TM7SF3: variants seen among roughly 807,000 people sequenced by gnomAD.
TM7SF3 encodes the protein seven span transmembrane protein.
In TM7SF3, 60 loss-of-function variants were observed where a neutral mutation model predicts 65.5. That is an observed-to-expected ratio of 0.92 (90% confidence interval 0.74 to 1.14). The LOEUF is 1.14. TM7SF3 is among the 50% of genes most tolerant of loss of function. TM7SF3 has a pLI of 0.00. For missense variants in TM7SF3, 623 were observed against 684.8 expected (o/e 0.91, Z 1.01); for synonymous variants, 264 against 259.6 (o/e 1.02, Z -0.16).
chr12:27,012,336 G>A (rs1290766662), intron 1 of TM7SF3, among the ~76,000 whole-genome samples: 1 of 152,034 alleles, frequency 6.6e-6, no homozygotes, highest in Non-Finnish European at 1.5e-5. Context: ...CAGAGTGAAT[G>A]TTAGTGCCCT....
chr12:26,990,642 AAC>A lies in TM7SF3; in HGVS notation c.691-17_691-16del, dbSNP rs565238020. The A allele has an allele frequency of 6.2e-7, 1 of 1,609,600 alleles. No homozygotes were observed. Among genetic ancestry groups the A allele is most frequent in the South Asian group, 1.1e-5 (1 of 90,552 alleles). On this transcript the variant is annotated splice_polypyrimidine_tract_variant and intron_variant, in intron 5 of 11. Coordinates refer to ENST00000343028, the MANE Select transcript of TM7SF3 (RefSeq NM_016551.3). Reference sequence around the variant, plus strand: ...AGGGTAACCACCTGAAGCCAAAAATAACACATGATTAGTGTTTAGGGGATTTT... The same window carrying A: ...AGGGTAACCACCTGAAGCCAAAAATAACATGATTAGTGTTTAGGGGATTTT...
chr12:26,986,118 G>A (rs993216773), intron 6 of TM7SF3, among the ~76,000 whole-genome samples: 10 of 151,678 alleles, frequency 6.6e-5, no homozygotes, highest in South Asian at 2.1e-4. Context: ...GTGAGCCACC[G>A]CACCCGGCCT....
chr12:26,973,855 AAAG>A lies in TM7SF3; in HGVS notation c.*107_*109del. On this transcript the variant is annotated 3_prime_UTR_variant, in exon 12 of 12. Coordinates refer to ENST00000343028, the MANE Select transcript of TM7SF3 (RefSeq NM_016551.3). ...CAATAAGGGCACCATAATATTATGC[AAAG>A]AACAGATATATATGCCTGATCTCTT... 1.5e-6 allele frequency: 2 copies of A among 1,363,412 alleles called. No individual in the cohort carries two copies. The highest frequency in any genetic ancestry group is 4.6e-5 in the East Asian group (2 of 43,518). 84.5% of individuals were successfully genotyped at this position (1,363,412 alleles called of 1,614,324 possible). A position where few individuals can be genotyped will look rare whatever the true frequency, so the allele number is the denominator to read the frequency against.
At position 27,007,535 on chromosome 12, in the gene TM7SF3, A is replaced by T. The variant is rs191687995; in HGVS notation, c.92-4145T>A. Among the ~76,000 whole-genome samples, 200 of 144,604 alleles carry T rather than the reference A, an allele frequency of 1.4e-3. 1 individual carries two copies. The highest frequency in any genetic ancestry group is 6.9e-3 in the Middle Eastern group (2 of 290). The allele number at this position is 144,604 out of a possible 152,430, so 94.9% of individuals were successfully genotyped here. A position where few individuals can be genotyped will look rare whatever the true frequency, so the allele number is the denominator to read the frequency against. ...CCATTACAATCATCTGGAGGGGATT[A>T]AAAAAAAAACAGAACACTGCTGCCT... On this transcript the variant is annotated intron_variant, in intron 1 of 11. Transcript: ENST00000343028.
chr12:26,980,842 A>G (rs1005540043), intron 7 of TM7SF3, among the ~76,000 whole-genome samples, 196 bp from the exon 8 acceptor site: 3 of 152,214 alleles, frequency 2.0e-5, no homozygotes, highest in African/African-American at 7.2e-5. Context: ...AGTAATTATT[A>G]TTAAACAGAT....
rs546423425 is a variant in TM7SF3 at position 26,981,738 on chromosome 12, G to A, written c.955+1035C>T. On this transcript the variant is annotated intron_variant, in intron 7 of 11. Coordinates refer to ENST00000343028, the MANE Select transcript of TM7SF3 (RefSeq NM_016551.3). ...ATCAGGATTACATTTGAGCTACCTTGATGCTCAGTTATACAACTTGTTGAT... is the reference window on the plus strand; with the variant it reads ...ATCAGGATTACATTTGAGCTACCTTAATGCTCAGTTATACAACTTGTTGAT... 3.3e-5 allele frequency among the ~76,000 whole-genome samples: 5 copies of A among 152,282 alleles called. No homozygotes were observed. In the East Asian group the frequency reaches 9.6e-4, roughly 29 times the overall value.
At chr12:27,008,033 C>G (rs899429814) in intron 1 of TM7SF3, among the ~76,000 whole-genome samples, 1 of 152,096 alleles carries the variant, frequency 6.6e-6, no homozygotes, top group Non-Finnish European at 1.5e-5. Context: ...CTGTGCATGT[C>G]TTTTGGTACA....
At chr12:27,007,135 A>G (rs1941069769) in intron 1 of TM7SF3, among the ~76,000 whole-genome samples, 1 of 152,226 alleles carries the variant, frequency 6.6e-6, no homozygotes, top group Middle Eastern at 3.2e-3. Flanking sequence ...ATTAATCTGC[A>G]GTCTTTGCTT....
At chr12:27,010,977 G>A (rs1347195264) in intron 1 of TM7SF3, among the ~76,000 whole-genome samples, 1 of 152,036 alleles carries the variant, frequency 6.6e-6, no homozygotes, top group Non-Finnish European at 1.5e-5. Flanking sequence ...TACTGTTTGT[G>A]TTTCAACACA....
intron 4 of TM7SF3, 120 bp from the exon 5 acceptor site, chr12:26,995,528 CT>C: frequency 9.4e-7 from 1 of 1,060,480 alleles, no homozygotes. Flanking sequence ...AACAGTTCAC[CT>C]TTTGCAGTGG....
At chr12:26,975,741 C>T in intron 10 of TM7SF3, 83 bp from the exon 11 acceptor site, 1 of 1,414,184 alleles carries the variant, frequency 7.1e-7, no homozygotes, top group Non-Finnish European at 9.7e-7. Context: ...CAATCACAGG[C>T]AATCACATCT....
At chr12:26,980,075 A>G in intron 8 of TM7SF3, 139 bp from the exon 9 acceptor site, 9 of 997,172 alleles carry the variant, frequency 9.0e-6, no homozygotes, top group Non-Finnish European at 1.3e-5. Flanking sequence ...GGTGCCATGA[A>G]GCCAGCATAG....
At chr12:26,991,185 G>A (rs913404776) in intron 5 of TM7SF3, among the ~76,000 whole-genome samples, 3 of 130,140 alleles carry the variant, frequency 2.3e-5, no homozygotes, top group Non-Finnish European at 4.6e-5. Flanking sequence ...TCGCTCTGTC[G>A]CCCAGGCCGG....
chr12:26,991,307 C>T (rs967545654), intron 5 of TM7SF3, among the ~76,000 whole-genome samples: 3 of 151,288 alleles, frequency 2.0e-5, no homozygotes, highest in East Asian at 1.9e-4. Flanking sequence ...CGCCCGCCAC[C>T]GCGCCCGGCT....
At position 26,980,256 on chromosome 12, in the gene TM7SF3, A is replaced by G. The variant is rs998192776; in HGVS notation, c.1036+310T>C. ...GGTAGGGAGGTATCTGTTTTCAGGT[A>G]AAGAAAACCTCAACATTTTGCTTGT... On this transcript the variant is annotated intron_variant, in intron 8 of 11. Coordinates refer to ENST00000343028, the MANE Select transcript of TM7SF3 (RefSeq NM_016551.3). 13 of 528,146 alleles carry G rather than the reference A, an allele frequency of 2.5e-5. No homozygotes were observed. The Admixed American group carries it at 3.9e-4, about 16-fold the overall frequency. 32.7% of individuals were successfully genotyped at this position (528,146 alleles called of 1,614,324 possible). A position where few individuals can be genotyped will look rare whatever the true frequency, so the allele number is the denominator to read the frequency against.
intron 6 of TM7SF3, among the ~76,000 whole-genome samples, chr12:26,988,444 G>A (rs1391792768): frequency 1.3e-5 from 2 of 152,078 alleles, no homozygotes; most frequent in East Asian, 1.9e-4. Flanking sequence ...GATTACAGGC[G>A]TGAGACACTG....
At position 26,973,980 on chromosome 12, in the gene TM7SF3, C is replaced by T. The variant is rs1453691947; in HGVS notation, c.1698G>A (p.Thr566=). ...FQKEQPAGER[T]PLLL ...CCCTGGGCATCTACAGAAGCAAAGG[C>T]GTTCTCTCTCCAGCTGGCTGCTCCT... Residue 566 remains threonine (T), a synonymous_variant, in exon 12 of 12, where the codon ACG becomes ACA. Transcript: ENST00000343028. 11 of 1,613,942 alleles carry T rather than the reference C, an allele frequency of 6.8e-6. No homozygotes were observed. The highest frequency in any genetic ancestry group is 1.1e-5 in the South Asian group (1 of 91,074).
At chr12:26,982,647 A>C in intron 7 of TM7SF3, 126 bp downstream of exon 7, 1 of 621,858 alleles carries the variant, frequency 1.6e-6, no homozygotes, top group Non-Finnish European at 2.7e-6. Context: ...TCACGACTAC[A>C]AGACCCCAGC....
intron 3 of TM7SF3, among the ~76,000 whole-genome samples, chr12:26,998,273 T>C (rs929927240): frequency 6.6e-6 from 1 of 152,206 alleles, no homozygotes; most frequent in African/African-American, 2.4e-5. Context: ...GTATTTGCTA[T>C]GATTTTTTTG....
Sources: allele counts gnomAD v4.1 joint callset (sites outside exome capture counted in the v4.1 genomes callset), GRCh38; gene constraint gnomAD v4.1.1; transcripts MANE v1.5; gene names NCBI Gene and HGNC (gene_info 2026-07-23, HGNC 2026-07-21).